KNOP1: variants seen among roughly 807,000 people sequenced by gnomAD.
KNOP1 encodes the protein lysine rich nucleolar protein 1.
Under a neutral mutation model 30.6 loss-of-function variants are expected in KNOP1, and 20 were observed. The observed-to-expected ratio is 0.65, with a 90% CI of 0.46 to 0.95. The LOEUF is 0.95. Ranked by LOEUF, KNOP1 falls within the 40% of genes least tolerant of loss-of-function variation. KNOP1 has a pLI of 0.00. For missense variants in KNOP1, 540 were observed against 562.0 expected, an observed-to-expected ratio of 0.96 and a Z score of 0.40; for synonymous variants, 204 against 210.0, an observed-to-expected ratio of 0.97 and a Z score of 0.25.
Position 19,702,436 on chromosome 16 carries a change from G to A in KNOP1, c.*4474C>T, listed in dbSNP as rs1174218189. 1.3e-5 allele frequency: 2 copies of A among 152,178 alleles called. No individual in the cohort carries two copies. Among genetic ancestry groups the A allele is most frequent in the Non-Finnish European group, 2.9e-5 (2 of 68,038 alleles). 9.4% of individuals were successfully genotyped at this position (152,178 alleles called of 1,614,324 possible). On this transcript the variant is annotated 3_prime_UTR_variant, in exon 5 of 5. Coordinates refer to ENST00000219837, the MANE Select transcript of KNOP1 (RefSeq NM_001012991.3). ...GGGCAGCATTAGTTCCCAAGCCTAGGCCAGTGAATTCTTACCGCTCTCACA... is the reference window on the plus strand; with the variant it reads ...GGGCAGCATTAGTTCCCAAGCCTAGACCAGTGAATTCTTACCGCTCTCACA...
Position 19,718,160 on chromosome 16 carries a change from G to A in KNOP1, c.-5C>T. 1 of 1,476,530 alleles carries A rather than the reference G, an allele frequency of 6.8e-7. No individual in the cohort carries two copies. 91.5% of individuals were successfully genotyped at this position (1,476,530 alleles called of 1,614,324 possible). A position where few individuals can be genotyped will look rare whatever the true frequency, so the allele number is the denominator to read the frequency against. On this transcript the variant is annotated splice_region_variant and 5_prime_UTR_variant, in exon 1 of 5. Coordinates refer to ENST00000219837, the MANE Select transcript of KNOP1 (RefSeq NM_001012991.3). ...CTGCAACGCGCCCTGGCACTCACCG[G>A]TGGGCGAAATTTCCCCGCCTCCACG...
chr16:19,711,499 T>C lies in KNOP1; in HGVS notation c.919-59A>G, dbSNP rs150402457. 9.8e-3 allele frequency: 14,963 copies of C among 1,532,896 alleles called. 107 individuals are homozygous for C. The highest frequency in any genetic ancestry group is 0.019 in the Middle Eastern group (110 of 5,746). The allele number at this position is 1,532,896 out of a possible 1,614,324, so 95.0% of individuals were successfully genotyped here. A position where few individuals can be genotyped will look rare whatever the true frequency, so the allele number is the denominator to read the frequency against. ...GTTTACAATGAATGGCCTCTGCCTC[T>C]GCACCCAGCCAGGGTGAGACCATGA... On this transcript the variant is annotated intron_variant, in intron 2 of 4. Coordinates refer to ENST00000219837, the MANE Select transcript of KNOP1 (RefSeq NM_001012991.3).
intron 1 of KNOP1, among the ~76,000 whole-genome samples, chr16:19,715,719 C>A (rs903696262): frequency 1.4e-4 from 21 of 152,114 alleles, no homozygotes; most frequent in African/African-American, 5.1e-4. Flanking sequence ...CCTTGCCTGG[C>A]CTAGTTCCAC....
At chr16:19,707,332 C>T in intron 4 of KNOP1, 111 bp from the exon 5 acceptor site, 2 of 798,486 alleles carry the variant, frequency 2.5e-6, no homozygotes, top group Non-Finnish European at 2.0e-6. Context: ...CTGCTGTGTA[C>T]CAGGCACAGT....
chr16:19,712,329 C>G (rs1976762276), intron 2 of KNOP1, among the ~76,000 whole-genome samples: 1 of 152,172 alleles, frequency 6.6e-6, no homozygotes. Flanking sequence ...GGAGGCCACC[C>G]CTCCACTCCC....
chr16:19,708,615 T>C (rs918813191), intron 4 of KNOP1, among the ~76,000 whole-genome samples: 9 of 152,224 alleles, frequency 5.9e-5, no homozygotes, highest in Admixed American at 3.9e-4. Flanking sequence ...ACCAGACTGC[T>C]GACATCGACG....
Position 19,714,681 on chromosome 16 carries a change from ACTT to A in KNOP1, c.352_354del (p.Lys118del), listed in dbSNP as rs1976914836. ...GAGGCATGGGACATGGCTAGAGGTG[ACTT>A]CTTATTTTTCTTTTCCCCACTGAGG... On this transcript the variant is annotated inframe_deletion, in exon 2 of 5. Coordinates refer to ENST00000219837, the MANE Select transcript of KNOP1 (RefSeq NM_001012991.3). 1.2e-6 allele frequency: 2 copies of A among 1,613,618 alleles called. No homozygotes were observed.
rs765867427 is a variant in KNOP1, at chr16:19,705,122, G to C, written c.*1788C>G. On this transcript the variant is annotated 3_prime_UTR_variant, in exon 5 of 5. Transcript: ENST00000219837. ...TTCCTCTGGAATGTTCTAGGGTCTT[G>C]ATATGCTGCCTGGAACTGTTACTGC... is the stretch of plus-strand genomic sequence containing the variant. 2 of 455,722 alleles carry C rather than the reference G, an allele frequency of 4.4e-6. No homozygotes were observed. The highest frequency in any genetic ancestry group is 6.9e-5 in the East Asian group (1 of 14,406). The allele number at this position is 455,722 out of a possible 1,614,324, so 28.2% of individuals were successfully genotyped here. A position where few individuals can be genotyped will look rare whatever the true frequency, so the allele number is the denominator to read the frequency against.
In KNOP1 at chr16:19,714,149, T is replaced by A. The variant is rs1597472905; in HGVS notation, c.887A>T (p.Glu296Val). Residue 296 changes from glutamate to valine, a missense_variant, in exon 2 of 5, where the codon GAG becomes GTG. Coordinates refer to ENST00000219837, the MANE Select transcript of KNOP1 (RefSeq NM_001012991.3). ...CCAAGGGTCTCCTGCTACCCCACTC[T>A]CTTTCCTCTTCTTCTTTTTCTTCCT... is the stretch of plus-strand genomic sequence containing the variant. ...LKRKKKKKRK[E>V]SGVAGDPWKE... 6.2e-7 allele frequency: 1 copy of A among 1,612,864 alleles called. No individual in the cohort carries two copies. Among genetic ancestry groups the A allele is most frequent in the Non-Finnish European group, 8.5e-7 (1 of 1,179,760 alleles).
Position 19,705,249 on chromosome 16 carries a change from G to A in KNOP1, c.*1661C>T, listed in dbSNP as rs541043246. 5 of 456,042 alleles carry A rather than the reference G, an allele frequency of 1.1e-5. No homozygotes were observed. The highest frequency in any genetic ancestry group is 1.4e-4 in the East Asian group (2 of 14,384). The allele number at this position is 456,042 out of a possible 1,614,324, so 28.2% of individuals were successfully genotyped here. ...GGCCCTAATCAGGCCTTCCTGCCAC[G>A]TGAGACTGAACTTTCTGGCCATCGA... On this transcript the variant is annotated 3_prime_UTR_variant, in exon 5 of 5. Transcript: ENST00000219837.
At chr16:19,710,918 A>C (rs1357890276) in intron 3 of KNOP1, among the ~76,000 whole-genome samples, 8 of 151,922 alleles carry the variant, frequency 5.3e-5, no homozygotes, top group Admixed American at 5.2e-4. Context: ...TCTCAAAAAA[A>C]AAAAAAAAAA....
chr16:19,706,583 A>G lies in KNOP1; in HGVS notation c.*327T>C. On this transcript the variant is annotated 3_prime_UTR_variant, in exon 5 of 5. Transcript: ENST00000219837. ...TTTAACACAGAAAACAGGAGGTTTT[A>G]GCACTCACTCGTTCTCCTGGCTCCC... The G allele has an allele frequency of 6.3e-6, 2 of 318,404 alleles. No individual in the cohort carries two copies. The highest frequency in any genetic ancestry group is 1.2e-5 in the Non-Finnish European group (2 of 171,718). 19.7% of individuals were successfully genotyped at this position (318,404 alleles called of 1,614,324 possible).
At position 19,718,149 on chromosome 16, in the gene KNOP1, G is replaced by C. The variant is rs906327808; in HGVS notation, c.-3+9C>G. On this transcript the variant is annotated intron_variant, in intron 1 of 4. Coordinates refer to ENST00000219837, the MANE Select transcript of KNOP1 (RefSeq NM_001012991.3). ...CGCCGGCCCGCCTGCAACGCGCCCT[G>C]GCACTCACCGGTGGGCGAAATTTCC... is the stretch of plus-strand genomic sequence containing the variant. 12 of 1,472,666 alleles carry C rather than the reference G, an allele frequency of 8.1e-6. No individual in the cohort carries two copies. Among genetic ancestry groups the C allele is most frequent in the African/African-American group, 2.8e-5 (2 of 71,252 alleles). The allele number at this position is 1,472,666 out of a possible 1,614,324, so 91.2% of individuals were successfully genotyped here.
Position 19,714,495 on chromosome 16 carries a change from C to T in KNOP1, c.541G>A (p.Gly181Arg), listed in dbSNP as rs1316842995. The T allele has an allele frequency of 3.7e-6, 6 of 1,613,984 alleles. No homozygotes were observed. The highest frequency in any genetic ancestry group is 1.3e-5 in the African/African-American group (1 of 74,898). The stretch of plus-strand genomic sequence containing the variant: ...TTCTTCCCCACTGAGCAAGTGTCCC[C>T]AACATCCCTGGCCTCCCTGGCCTCA... Reference protein sequence around the residue: ...FCEAREARDVGDTCSVGKKDE... With the variant: ...FCEAREARDVRDTCSVGKKDE... The change falls in exon 2 of 5, where the codon GGG becomes AGG. Residue 181 changes from glycine to arginine, a missense_variant. Physicochemically the swap from Gly to Arg is moderately radical, Grantham distance 125. Transcript: ENST00000219837.
chr16:19,704,903 C>T lies in KNOP1; in HGVS notation c.*2007G>A, dbSNP rs1159480300. ...TCAGGGTTCAGAGCCAGGGAAACTG[C>T]CTGAAGTGCCTGCCTCACCTCTGCC... On this transcript the variant is annotated 3_prime_UTR_variant, in exon 5 of 5. Coordinates refer to ENST00000219837, the MANE Select transcript of KNOP1 (RefSeq NM_001012991.3). 7.1e-6 allele frequency: 2 copies of T among 283,582 alleles called. No individual in the cohort carries two copies. Among genetic ancestry groups the T allele is most frequent in the Admixed American group, 9.1e-5 (2 of 22,046 alleles). The allele number at this position is 283,582 out of a possible 1,614,324, so 17.6% of individuals were successfully genotyped here. A position where few individuals can be genotyped will look rare whatever the true frequency, so the allele number is the denominator to read the frequency against.
intron 4 of KNOP1, among the ~76,000 whole-genome samples, chr16:19,709,892 C>T (rs557702824): frequency 8.5e-5 from 13 of 152,168 alleles, no homozygotes; most frequent in Non-Finnish European, 1.5e-4. Context: ...ATGCTCACCC[C>T]GCTCTGGCCT....
chr16:19,704,485 G>C lies in KNOP1; in HGVS notation c.*2425C>G, dbSNP rs1976282758. 6.6e-6 allele frequency: 1 copy of C among 152,152 alleles called. No homozygotes were observed. The highest frequency in any genetic ancestry group is 6.6e-5 in the Admixed American group (1 of 15,252). The allele number at this position is 152,152 out of a possible 1,614,324, so 9.4% of individuals were successfully genotyped here. A position where few individuals can be genotyped will look rare whatever the true frequency, so the allele number is the denominator to read the frequency against. On this transcript the variant is annotated 3_prime_UTR_variant, in exon 5 of 5. Coordinates refer to ENST00000219837, the MANE Select transcript of KNOP1 (RefSeq NM_001012991.3). ...GTAAACGGCCGATTCCAGCTACTCA[G>C]GAGACTGAGGCACAAGAATCGCTTG... is the stretch of plus-strand genomic sequence containing the variant.
chr16:19,707,356 A>C, intron 4 of KNOP1, 135 bp from the exon 5 acceptor site: 1 of 671,806 alleles, frequency 1.5e-6, no homozygotes, highest in Non-Finnish European at 2.6e-6. Context: ...AATAAGCTCA[A>C]CAACGGATTA....
chr16:19,713,103 GT>G lies in KNOP1; in HGVS notation c.918+1014del, dbSNP rs879898113. Among the ~76,000 whole-genome samples the G allele has an allele frequency of 1.8e-4, 26 of 146,540 alleles. 1 individual carries two copies. The highest frequency in any genetic ancestry group is 3.9e-4 in the East Asian group (2 of 5,078). On this transcript the variant is annotated intron_variant, in intron 2 of 4. Transcript: ENST00000219837. ...ATACCCGCCCTGTCCTTCACCTCAA[GT>G]TTTTTTTTTTTGAGACAGTCCCGCT... is the stretch of plus-strand genomic sequence containing the variant.
Sources: gnomAD v4.1 joint callset for allele counts (sites outside exome capture counted in the v4.1 genomes callset) on GRCh38, gnomAD v4.1.1 for gene constraint, MANE v1.5 for transcripts, NCBI Gene and HGNC (gene_info 2026-07-23, HGNC 2026-07-21) for gene names.